CDKAL1: variants seen among roughly 807,000 people sequenced by gnomAD.
CDKAL1 encodes threonylcarbamoyladenosine tRNA methylthiotransferase.
CDKAL1 carries 32 observed loss-of-function variants against 68.2 expected under a neutral mutation model. That is an observed-to-expected ratio of 0.47 (90% CI 0.35 to 0.63). The LOEUF (loss-of-function observed/expected upper bound fraction) is 0.63, where lower values mean the gene tolerates loss of function less well. Ranked by LOEUF, CDKAL1 falls within the 30% of genes least tolerant of loss-of-function variation. The probability of loss-of-function intolerance (pLI) is 0.00; values close to 1 mark genes in which losing one functional copy is unlikely to be tolerated. For synonymous variants in CDKAL1, 234 were observed against 244.3 expected, an observed-to-expected ratio of 0.96 and a Z score of 0.39; for missense variants, 606 against 696.7, an observed-to-expected ratio of 0.87 and a Z score of 1.47.
chr6:21,172,382 G>A (rs937595861), intron 13 of CDKAL1, among the ~76,000 whole-genome samples: 19 of 152,038 alleles, frequency 1.2e-4, no homozygotes, highest in African/African-American at 4.1e-4. Flanking sequence ...AAATCTAGTG[G>A]GATCATTTTC....
chr6:20,536,020 C>T (rs375638936), intron 2 of CDKAL1, among the ~76,000 whole-genome samples: 1 of 152,140 alleles, frequency 6.6e-6, no homozygotes, highest in Admixed American at 6.5e-5. Context: ...CAGCCTTGAC[C>T]ACCTGGTCTC....
chr6:20,700,361 A>T (rs555314025), intron 5 of CDKAL1, among the ~76,000 whole-genome samples: 51 of 151,154 alleles, frequency 3.4e-4, no homozygotes, highest in East Asian at 2.3e-3. Context: ...ATCTCAAAAA[A>T]AAAAAAAAAA....
At chr6:20,549,992 T>G (rs1316324235) in intron 4 of CDKAL1, among the ~76,000 whole-genome samples, 1 of 151,996 alleles carries the variant, frequency 6.6e-6, no homozygotes, top group Admixed American at 6.6e-5. Context: ...TAAATTTTTT[T>G]TTTTTAGACA....
At position 20,613,249 on chromosome 6, in the gene CDKAL1, C is replaced by CT. The variant is rs71559677; in HGVS notation, c.287-36001dup. 1.0e-3 allele frequency among the ~76,000 whole-genome samples: 78 copies of CT among 77,850 alleles called. 4 individuals are homozygous for CT. The highest frequency in any genetic ancestry group is 1.7e-3 in the South Asian group (4 of 2,390). The allele number at this position is 77,850 out of a possible 152,430, so 51.1% of individuals were successfully genotyped here. On this transcript the variant is annotated intron_variant, in intron 4 of 15. Coordinates refer to ENST00000274695, the MANE Select transcript of CDKAL1 (RefSeq NM_017774.3). ...TATCAGTTCATCACAAAATTTCTTT[C>CT]TTTTTTTTTTTTTTTTTTTTTTTTT... is the stretch of plus-strand genomic sequence containing the variant.
chr6:21,152,468 T>C (rs912062135), intron 13 of CDKAL1, among the ~76,000 whole-genome samples: 2 of 152,226 alleles, frequency 1.3e-5, no homozygotes, highest in South Asian at 2.1e-4. Context: ...AGCTCACAAC[T>C]GCCACACCGA....
At chr6:20,635,283 C>T (rs1767854387) in intron 4 of CDKAL1, among the ~76,000 whole-genome samples, 1 of 152,032 alleles carries the variant, frequency 6.6e-6, no homozygotes, top group Admixed American at 6.6e-5. Context: ...CCTTTTTACT[C>T]CGGGTGGTGT....
chr6:20,935,217 A>C (rs1223667538), intron 9 of CDKAL1, among the ~76,000 whole-genome samples: 1 of 151,916 alleles, frequency 6.6e-6, no homozygotes, highest in Admixed American at 6.6e-5. Flanking sequence ...TATTACATCA[A>C]ATGTTTCACA....
At chr6:21,174,404 CAT>C (rs1420614815) in intron 13 of CDKAL1, among the ~76,000 whole-genome samples, 2 of 152,116 alleles carry the variant, frequency 1.3e-5, no homozygotes, top group Non-Finnish European at 2.9e-5. Flanking sequence ...AAAACTTACA[CAT>C]AATGAATGAG....
chr6:20,981,204 G>A (rs383684), intron 10 of CDKAL1, among the ~76,000 whole-genome samples: 14,666 of 152,172 alleles, frequency 0.096, 808 homozygotes, highest in Middle Eastern at 0.16. Flanking sequence ...TTATTTAGGA[G>A]AAAATAAAAT....
intron 5 of CDKAL1, among the ~76,000 whole-genome samples, chr6:20,709,283 C>G (rs1378246966): frequency 6.6e-6 from 1 of 151,996 alleles, no homozygotes; most frequent in Non-Finnish European, 1.5e-5. Context: ...TTGAGAGATT[C>G]TATTTGTAAT....
At chr6:21,116,414 C>G (rs1028340595) in intron 13 of CDKAL1, among the ~76,000 whole-genome samples, 1 of 152,166 alleles carries the variant, frequency 6.6e-6, no homozygotes. Context: ...CAGCACTATT[C>G]TCAAAGCTTT....
chr6:21,209,230 T>C (rs1779059457), intron 15 of CDKAL1, among the ~76,000 whole-genome samples: 1 of 152,178 alleles, frequency 6.6e-6, no homozygotes, highest in African/African-American at 2.4e-5. Flanking sequence ...AGAGGCATCA[T>C]AGGATGGGAC....
chr6:21,183,227 C>T (rs1777864184), intron 13 of CDKAL1, among the ~76,000 whole-genome samples: 1 of 151,702 alleles, frequency 6.6e-6, no homozygotes, highest in South Asian at 2.1e-4. Flanking sequence ...AATTTTCCTG[C>T]TCTCTTCCCA....
chr6:21,005,096 G>T (rs1354362377), intron 11 of CDKAL1, among the ~76,000 whole-genome samples: 1 of 152,110 alleles, frequency 6.6e-6, no homozygotes, highest in East Asian at 1.9e-4. Context: ...AAACATGAAT[G>T]ATTCTTTTTT....
At chr6:20,679,987 G>T (rs1427561082) in intron 5 of CDKAL1, among the ~76,000 whole-genome samples, 2 of 150,100 alleles carry the variant, frequency 1.3e-5, no homozygotes, top group Admixed American at 6.6e-5. Context: ...TTTTTTTGCT[G>T]GGACTCTAGT....
chr6:20,603,314 G>A (rs1042805186), intron 4 of CDKAL1, among the ~76,000 whole-genome samples: 3 of 152,258 alleles, frequency 2.0e-5, no homozygotes, highest in Admixed American at 2.0e-4. Context: ...ATTGGCTGTT[G>A]TCTGACCTGT....
At chr6:20,860,588 G>C (rs544422793) in intron 9 of CDKAL1, among the ~76,000 whole-genome samples, 1 of 152,174 alleles carries the variant, frequency 6.6e-6, no homozygotes, top group Admixed American at 6.5e-5. Context: ...CCTTTGGGAG[G>C]CCAAGTGGGG....
intron 5 of CDKAL1, among the ~76,000 whole-genome samples, chr6:20,674,046 T>G (rs573039296): frequency 5.9e-5 from 9 of 152,360 alleles, no homozygotes; most frequent in Non-Finnish European, 1.3e-4. Context: ...AACTGGTTAT[T>G]ACTTGTATAT....
intron 9 of CDKAL1, among the ~76,000 whole-genome samples, chr6:20,878,166 T>C (rs925464751): frequency 6.6e-6 from 1 of 152,184 alleles, no homozygotes; most frequent in Admixed American, 6.5e-5. Context: ...TCGCCCCTAC[T>C]AGACTGTAAG....
Sources: allele counts gnomAD v4.1 joint callset (sites outside exome capture counted in the v4.1 genomes callset), GRCh38; gene constraint gnomAD v4.1.1; transcripts MANE v1.5; gene names NCBI Gene and HGNC (gene_info 2026-07-23, HGNC 2026-07-21).